The following BDH2 variants were observed in gnomAD, a reference collection of about 807,000 sequenced individuals.
BDH2 encodes dehydrogenase/reductase SDR family member 6.
A neutral mutation model predicts 33.2 loss-of-function variants in BDH2; 24 were observed. The observed-to-expected ratio is 0.72, with a 90% CI of 0.52 to 1.02. The LOEUF is 1.02. BDH2 is among the 50% of genes least tolerant of loss of function. The pLI is 0.00. For synonymous variants in BDH2, 81 were observed against 101.6 expected, an observed-to-expected ratio of 0.80 and a Z score of 1.22; for missense variants, 249 against 301.6, an observed-to-expected ratio of 0.83 and a Z score of 1.29.
In BDH2 at chr4:103,085,427, C is replaced by A; in HGVS notation, c.454G>T (p.Ala152Ser). ...VNRCVYSTTK[A>S]AVIGLTKSVA... is the part of the protein sequence containing the mutation. ...GATTTTGTGAGGCCAATCACGGCTGCCTTGGTTGTGCTGTACACACATCTG... is the reference window on the plus strand; with the variant it reads ...GATTTTGTGAGGCCAATCACGGCTGACTTGGTTGTGCTGTACACACATCTG... The change falls in exon 7 of 10, where the codon GCA becomes TCA. Residue 152 changes from alanine to serine, a missense_variant. By Grantham distance (99) the Ala-to-Ser change is moderately conservative. Coordinates refer to ENST00000296424, the MANE Select transcript of BDH2 (RefSeq NM_020139.4). The A allele has an allele frequency of 6.2e-7, 1 of 1,613,194 alleles. No individual in the cohort carries two copies. The highest frequency in any genetic ancestry group is 1.1e-5 in the South Asian group (1 of 90,934).
chr4:103,098,770 C>T (rs1211039337), intron 1 of BDH2: 2 of 152,136 alleles, frequency 1.3e-5, no homozygotes, highest in Non-Finnish European at 2.9e-5. Context: ...TTACCTAGTT[C>T]TCTCCTCATT....
rs138476547 is a variant in BDH2 at position 103,077,820 on chromosome 4, C to A, written c.*1882G>T. ...AGCTTAACTCCTTAATTTCATAAACCAGAAAACTAAAATCCAAGATAGATT... is the reference window on the plus strand; with the variant it reads ...AGCTTAACTCCTTAATTTCATAAACAAGAAAACTAAAATCCAAGATAGATT... On this transcript the variant is annotated 3_prime_UTR_variant, in exon 10 of 10. Transcript: ENST00000296424. 4.7e-4 allele frequency among the ~76,000 whole-genome samples: 72 copies of A among 152,192 alleles called. No homozygotes were observed. Among genetic ancestry groups the A allele is most frequent in the African/African-American group, 1.5e-3 (61 of 41,534 alleles).
chr4:103,088,338 G>A (rs1373241870), intron 5 of BDH2, among the ~76,000 whole-genome samples: 1 of 152,132 alleles, frequency 6.6e-6, no homozygotes, highest in Non-Finnish European at 1.5e-5. Context: ...TTATTATGTA[G>A]GTTCAATCTC....
chr4:103,085,876 T>C (rs1747754384), intron 6 of BDH2: 18 of 1,212,762 alleles, frequency 1.5e-5, no homozygotes, highest in Non-Finnish European at 1.9e-5. Context: ...AGAAATGGTA[T>C]CTCAGCAGTA....
chr4:103,091,192 C>T lies in BDH2; in HGVS notation c.342G>A (p.Lys114=). The part of the protein sequence containing the change: ...LNVRSMYLMI[K]AFLPKMLAQK... ...GTGGTCTTACTTTAGGAAGGAATGC[C>T]TTGATCATCAGGTACATGCTGCGCA... is the stretch of plus-strand genomic sequence containing the variant. Residue 114 remains lysine, a synonymous_variant, in exon 5 of 10, where the codon AAG becomes AAA. Transcript: ENST00000296424. 1 of 1,611,710 alleles carries T rather than the reference C, an allele frequency of 6.2e-7. No individual in the cohort carries two copies. The highest frequency in any genetic ancestry group is 8.5e-7 in the Non-Finnish European group (1 of 1,178,912).
chr4:103,093,941 C>T (rs1478065159), intron 3 of BDH2, among the ~76,000 whole-genome samples: 2 of 152,038 alleles, frequency 1.3e-5, no homozygotes, highest in East Asian at 3.8e-4. Context: ...TATAATTCAA[C>T]ATATTCCAAT....
Position 103,078,841 on chromosome 4 carries a change from A to C in BDH2, c.*861T>G, listed in dbSNP as rs925003972. 2.6e-5 allele frequency among the ~76,000 whole-genome samples: 4 copies of C among 152,124 alleles called. No individual in the cohort carries two copies. Among genetic ancestry groups the C allele is most frequent in the Admixed American group, 2.6e-4 (4 of 15,272 alleles). On this transcript the variant is annotated 3_prime_UTR_variant, in exon 10 of 10. Coordinates refer to ENST00000296424, the MANE Select transcript of BDH2 (RefSeq NM_020139.4). ...CATGATTACAGCTCACTGCAGCCTC[A>C]AACTCTTGGGCTCAAGTAATCCTCC...
At chr4:103,088,422 G>T (rs1433363505) in intron 5 of BDH2, among the ~76,000 whole-genome samples, 1 of 152,174 alleles carries the variant, frequency 6.6e-6, no homozygotes, top group Non-Finnish European at 1.5e-5. Context: ...CATTACATTA[G>T]TGCTGCCCCC....
At chr4:103,092,350 T>C in intron 4 of BDH2, 1 of 487,500 alleles carries the variant, frequency 2.1e-6, no homozygotes, top group Non-Finnish European at 3.7e-6. Flanking sequence ...TTGTAACACA[T>C]AATACAGCTT....
intron 1 of BDH2, 105 bp from the exon 2 acceptor site, chr4:103,096,379 T>G: frequency 1.5e-6 from 1 of 670,364 alleles, no homozygotes. Flanking sequence ...AATAATTTAG[T>G]GAGCTCCTTC....
chr4:103,092,783 A>T (rs1748175443), intron 3 of BDH2, 87 bp from the exon 4 acceptor site: 6 of 915,474 alleles, frequency 6.6e-6, no homozygotes, highest in Non-Finnish European at 1.1e-5. Context: ...TGAAGATTGC[A>T]ACATCTATCC....
rs765451432 is a variant in BDH2 at position 103,086,556 on chromosome 4, A to G, written c.358-16T>C. 2.0e-5 allele frequency: 31 copies of G among 1,574,376 alleles called. No homozygotes were observed. Among genetic ancestry groups the G allele is most frequent in the Non-Finnish European group, 2.7e-5 (31 of 1,164,274 alleles). ...GAGCAAGCATCTGCCAAAACAAAAC[A>G]AATACAAAAAAAAAAAAATCCACTT... On this transcript the variant is annotated splice_polypyrimidine_tract_variant and intron_variant, in intron 5 of 9. Transcript: ENST00000296424.
intron 5 of BDH2, among the ~76,000 whole-genome samples, chr4:103,089,559 G>A (rs917624172): frequency 6.6e-6 from 1 of 152,164 alleles, no homozygotes; most frequent in Non-Finnish European, 1.5e-5. Context: ...GTTAATGTTT[G>A]TATATTTTAA....
intron 6 of BDH2, 160 bp downstream of exon 6, chr4:103,086,320 G>T: frequency 7.5e-7 from 1 of 1,328,332 alleles, no homozygotes; most frequent in Non-Finnish European, 9.6e-7. Flanking sequence ...GAGAGCAAAA[G>T]ATCTGTGGTT....
intron 5 of BDH2, among the ~76,000 whole-genome samples, chr4:103,088,901 G>A (rs1160607597): frequency 6.6e-6 from 1 of 152,138 alleles, no homozygotes; most frequent in Non-Finnish European, 1.5e-5. Context: ...ACAGCAAGGT[G>A]GGGGAAAAAA....
At chr4:103,092,282 G>C in intron 4 of BDH2, 1 of 276,978 alleles carries the variant, frequency 3.6e-6, no homozygotes, top group Admixed American at 5.0e-5. Flanking sequence ...CATGAGGATG[G>C]AAGACTATTT....
At position 103,092,683 on chromosome 4, in the gene BDH2, A is replaced by C. The variant is rs112664892; in HGVS notation, c.165T>G (p.Arg55=). The C allele has an allele frequency of 1.5e-5, 24 of 1,611,046 alleles. No homozygotes were observed. The highest frequency in any genetic ancestry group is 2.0e-5 in the Non-Finnish European group (24 of 1,177,576). Residue 55 remains arginine (R), a synonymous_variant, in exon 4 of 10, where the codon CGT becomes CGG. Transcript: ENST00000296424. ...GTTTCTTCTTTGTGACATCAAGGAC[A>C]CGAGTTTGAATACCTGAAAAATAAA... ...ELEKYPGIQT[R]VLDVTKKKQI...
intron 3 of BDH2, among the ~76,000 whole-genome samples, chr4:103,094,975 T>C (rs1748311343): frequency 6.6e-6 from 1 of 152,216 alleles, no homozygotes; most frequent in Non-Finnish European, 1.5e-5. Flanking sequence ...TCAAATGTGT[T>C]AGCTAAATAA....
intron 5 of BDH2, among the ~76,000 whole-genome samples, chr4:103,089,967 T>A (rs1172121887): frequency 1.3e-5 from 2 of 152,196 alleles, no homozygotes; most frequent in Non-Finnish European, 2.9e-5. Context: ...TTTCTCTAAT[T>A]TTCCTGTTAA....
Sources: allele counts gnomAD v4.1 joint callset (sites outside exome capture counted in the v4.1 genomes callset), GRCh38; gene constraint gnomAD v4.1.1; transcripts MANE v1.5; gene names NCBI Gene and HGNC (gene_info 2026-07-23, HGNC 2026-07-21).